Variants in SDHAF3 observed in about 807,000 individuals in gnomAD.
The protein encoded by SDHAF3 is succinate dehydrogenase complex assembly factor 3, also known as succinate dehydrogenase assembly factor 3, mitochondrial.
In SDHAF3, 18 loss-of-function variants were observed where a neutral mutation model predicts 11.5. That is an observed-to-expected ratio of 1.56 (90% CI 1.08 to 2.32). The LOEUF (loss-of-function observed/expected upper bound fraction) is 2.32. Ranked by LOEUF, SDHAF3 falls within the 30% of genes most tolerant of loss-of-function variation. The pLI is 0.00. For missense variants in SDHAF3, 200 were observed against 154.4 expected (o/e 1.30, Z -1.57); for synonymous variants, 72 against 59.3 (o/e 1.21, Z -0.99).
chr7:97,117,885 G>C lies in SDHAF3; in HGVS notation c.162G>C (p.Leu54Phe). ...TVGSDEAQRF[L>F]QEWEVYATAL... ...GTTCTGACGAGGCACAGCGTTTCTT[G>C]CAAGAATGGGAGGCAAGTGACGCTC... The change falls in exon 1 of 2, where the codon TTG becomes TTC. Residue 54 changes from leucine to phenylalanine, a missense_variant. Transcript: ENST00000432641. The C allele has an allele frequency of 1.9e-6, 3 of 1,614,096 alleles. No homozygotes were observed. The East Asian group carries it at 6.7e-5, about 36-fold the overall frequency.
chr7:97,172,595 T>G (rs1789617507), intron 1 of SDHAF3, among the ~76,000 whole-genome samples: 2 of 152,196 alleles, frequency 1.3e-5, no homozygotes, highest in Non-Finnish European at 2.9e-5. Context: ...ATAAGGAATT[T>G]TATGCCACTT....
chr7:97,133,355 G>A (rs1036790187), intron 1 of SDHAF3, among the ~76,000 whole-genome samples: 5 of 152,102 alleles, frequency 3.3e-5, no homozygotes, highest in Admixed American at 3.3e-4. Flanking sequence ...AGCTTTCTGG[G>A]AAACTGAATT....
At chr7:97,154,113 G>C (rs982856441) in intron 1 of SDHAF3, among the ~76,000 whole-genome samples, 2 of 151,808 alleles carry the variant, frequency 1.3e-5, no homozygotes, top group African/African-American at 4.8e-5. Context: ...CAGGCAGGGG[G>C]TGGATCTCAT....
chr7:97,178,341 C>T (rs1789717479), intron 1 of SDHAF3, among the ~76,000 whole-genome samples: 2 of 152,066 alleles, frequency 1.3e-5, no homozygotes, highest in South Asian at 2.1e-4. Flanking sequence ...ATTGTGTATA[C>T]AAGTATGTGT....
intron 1 of SDHAF3, chr7:97,135,637 C>CGTGTGTGT (rs56102126): frequency 8.9e-4 from 76 of 85,394 alleles, no homozygotes; most frequent in African/African-American, 3.6e-3. Context: ...TATGTGCGTG[C>CGTGTGTGT]GTGTGTGTGT....
chr7:97,118,099 A>G (rs558880046), intron 1 of SDHAF3, among the ~76,000 whole-genome samples: 6 of 152,226 alleles, frequency 3.9e-5, no homozygotes, highest in Admixed American at 1.3e-4. Flanking sequence ...AGCGTCCCCA[A>G]TTCAGTTCAA....
intron 1 of SDHAF3, among the ~76,000 whole-genome samples, chr7:97,173,573 GTCTCAC>G (rs1789636982): frequency 4.1e-4 from 2 of 4,876 alleles, no homozygotes; most frequent in Non-Finnish European, 3.1e-3. Flanking sequence ...TGAGATGAGA[GTCTCAC>G]TCTCTCTCTC....
intron 1 of SDHAF3, among the ~76,000 whole-genome samples, chr7:97,144,028 T>G (rs1387638579): frequency 6.6e-6 from 1 of 152,122 alleles, no homozygotes; most frequent in African/African-American, 2.4e-5. Context: ...TTATGGCCAT[T>G]CCTGCAGGAG....
intron 1 of SDHAF3, among the ~76,000 whole-genome samples, chr7:97,139,508 G>T (rs1788995501): frequency 6.6e-6 from 1 of 152,220 alleles, no homozygotes; most frequent in African/African-American, 2.4e-5. Context: ...GAAGGGTGAG[G>T]ATCAATCAGA....
intron 1 of SDHAF3, among the ~76,000 whole-genome samples, chr7:97,154,218 A>G (rs1789270151): frequency 6.6e-6 from 1 of 152,130 alleles, no homozygotes; most frequent in Non-Finnish European, 1.5e-5. Context: ...GGAGATTACA[A>G]AGTACATTGA....
Position 97,160,477 on chromosome 7 carries a change from AAAAG to A in SDHAF3, c.175-20529_175-20526del, listed in dbSNP as rs536535433. On this transcript the variant is annotated intron_variant, in intron 1 of 1. Transcript: ENST00000432641. ...AAAAAGAAAAGGGGGAAATGTGGGG[AAAAG>A]AAAGAGAGATCAGATTGTTACTGTG... Among the ~76,000 whole-genome samples, 106 of 151,992 alleles carry A rather than the reference AAAAG, an allele frequency of 7.0e-4. No individual in the cohort carries two copies. The South Asian group carries it at 0.013, about 19-fold the overall frequency.
chr7:97,125,023 C>T (rs1791554931), intron 1 of SDHAF3, among the ~76,000 whole-genome samples: 2 of 152,154 alleles, frequency 1.3e-5, no homozygotes, highest in South Asian at 4.1e-4. Context: ...ACTTCCAATA[C>T]TACGTTGAAT....
At chr7:97,153,328 C>G (rs1789254000) in intron 1 of SDHAF3, among the ~76,000 whole-genome samples, 1 of 152,156 alleles carries the variant, frequency 6.6e-6, no homozygotes, top group African/African-American at 2.4e-5. Context: ...GGCTTCTTGG[C>G]TGCTTTTATT....
intron 1 of SDHAF3, among the ~76,000 whole-genome samples, chr7:97,122,168 C>CT (rs1791511580): frequency 6.6e-6 from 1 of 152,064 alleles, no homozygotes; most frequent in South Asian, 2.1e-4. Context: ...AACAGTATGA[C>CT]TTTTTTCCAG....
chr7:97,130,967 A>C lies in SDHAF3; in HGVS notation c.174+13070A>C, dbSNP rs891700860. ...TATCTGGTCATGGACTTTGCCAGGA[A>C]CTGGCAGCTCGGTTTTCAGGCTCCA... On this transcript the variant is annotated intron_variant, in intron 1 of 1. Coordinates refer to ENST00000432641, the MANE Select transcript of SDHAF3 (RefSeq NM_020186.3). Among the ~76,000 whole-genome samples the C allele has an allele frequency of 2.0e-5, 3 of 152,200 alleles. No homozygotes were observed. In the South Asian group the frequency reaches 6.2e-4, roughly 31 times the overall value.
At chr7:97,176,705 T>C (rs1193417341) in intron 1 of SDHAF3, among the ~76,000 whole-genome samples, 1 of 152,150 alleles carries the variant, frequency 6.6e-6, no homozygotes, top group Non-Finnish European at 1.5e-5. Flanking sequence ...AGATGTTCAT[T>C]CATTGATCAT....
intron 1 of SDHAF3, among the ~76,000 whole-genome samples, chr7:97,178,745 A>G (rs1028111071): frequency 5.3e-5 from 8 of 152,088 alleles, no homozygotes; most frequent in African/African-American, 1.9e-4. Context: ...ATTCTGGATA[A>G]TAAACCCTTT....
chr7:97,149,060 G>C (rs1410991346), intron 1 of SDHAF3, among the ~76,000 whole-genome samples: 2 of 151,958 alleles, frequency 1.3e-5, no homozygotes, highest in African/African-American at 2.4e-5. Context: ...CTCCTGAGTA[G>C]CTGGGACTAC....
intron 1 of SDHAF3, among the ~76,000 whole-genome samples, chr7:97,176,678 G>A (rs909376935): frequency 6.6e-6 from 1 of 152,036 alleles, no homozygotes; most frequent in African/African-American, 2.4e-5. Flanking sequence ...TTTCCTTTTC[G>A]TGAGTCTTTC....
Sources: gnomAD v4.1 joint callset for allele counts (sites outside exome capture counted in the v4.1 genomes callset) on GRCh38, gnomAD v4.1.1 for gene constraint, MANE v1.5 for transcripts, NCBI Gene and HGNC (gene_info 2026-07-23, HGNC 2026-07-21) for gene names.